PAWR: variants seen among roughly 807,000 people sequenced by gnomAD.
PAWR encodes the protein PRKC apoptosis WT1 regulator protein.
PAWR carries 23 observed loss-of-function variants against 32.0 expected under a neutral mutation model. That is an observed-to-expected ratio of 0.72 (90% CI 0.52 to 1.02). PAWR has a LOEUF of 1.02. Among genes scored for constraint, PAWR ranks in the 50% least tolerant of loss-of-function variants. The pLI is 0.00. For missense variants in PAWR, 457 were observed against 437.7 expected (o/e 1.04, Z -0.39); for synonymous variants, 226 against 187.1 (o/e 1.21, Z -1.70).
At chr12:79,661,060 G>A (rs1877326137) in intron 2 of PAWR, among the ~76,000 whole-genome samples, 1 of 151,500 alleles carries the variant, frequency 6.6e-6, no homozygotes, top group South Asian at 2.1e-4. Flanking sequence ...TTGAGGTCAG[G>A]AGTTCGAGAC....
At chr12:79,690,488 G>C in intron 1 of PAWR, 97 bp from the exon 2 acceptor site, 1 of 679,802 alleles carries the variant, frequency 1.5e-6, no homozygotes. Flanking sequence ...GAGTCCTCGA[G>C]CGCGCCCACC....
chr12:79,622,556 T>G (rs1875076760), intron 2 of PAWR, among the ~76,000 whole-genome samples: 1 of 151,988 alleles, frequency 6.6e-6, no homozygotes, highest in East Asian at 1.9e-4. Flanking sequence ...GAATATGCAG[T>G]GATTGGTTTT....
In PAWR at chr12:79,690,122, G is replaced by A. The variant is rs1384823778; in HGVS notation, c.123C>T (p.Pro41=). The change falls in exon 2 of 7, where the codon CCC becomes CCT. Residue 41 remains proline (P), a synonymous_variant. Coordinates refer to ENST00000328827, the MANE Select transcript of PAWR (RefSeq NM_002583.4). ...RAKQNPPGPA[P]PGGGSSDAAG... ...CGGCGTCGCTGCTGCCCCCTCCCGG[G>A]GGGGCCGGGCCCGGGGGGTTCTGCT... 1.3e-6 allele frequency: 2 copies of A among 1,504,708 alleles called. No homozygotes were observed. Among genetic ancestry groups the A allele is most frequent in the East Asian group, 2.8e-5 (1 of 35,302 alleles). 93.2% of individuals were successfully genotyped at this position (1,504,708 alleles called of 1,614,324 possible). A position where few individuals can be genotyped will look rare whatever the true frequency, so the allele number is the denominator to read the frequency against.
intron 2 of PAWR, among the ~76,000 whole-genome samples, chr12:79,650,923 C>G (rs531713537): frequency 6.6e-6 from 1 of 152,232 alleles, no homozygotes; most frequent in Admixed American, 6.5e-5. Context: ...TTCAAATGTT[C>G]AATTTGCAAG....
At chr12:79,636,814 A>C (rs1875982054) in intron 2 of PAWR, among the ~76,000 whole-genome samples, 1 of 152,138 alleles carries the variant, frequency 6.6e-6, no homozygotes, top group South Asian at 2.1e-4. Flanking sequence ...CCTTAAAAAA[A>C]TTTTATCTCA....
chr12:79,594,726 T>C (rs1873683586), intron 5 of PAWR, among the ~76,000 whole-genome samples: 2 of 151,704 alleles, frequency 1.3e-5, no homozygotes, highest in African/African-American at 4.9e-5. Flanking sequence ...TGTGTGTGTG[T>C]GTATGTATGT....
chr12:79,653,093 G>A (rs1402379639), intron 2 of PAWR, among the ~76,000 whole-genome samples: 1 of 152,150 alleles, frequency 6.6e-6, no homozygotes, highest in East Asian at 1.9e-4. Flanking sequence ...GCCCGGGCTG[G>A]AGTGCAATGG....
chr12:79,687,015 C>A (rs1041560633), intron 2 of PAWR, among the ~76,000 whole-genome samples: 11 of 152,144 alleles, frequency 7.2e-5, no homozygotes, highest in African/African-American at 2.7e-4. Context: ...ATCTGATAAA[C>A]ACACACAAAA....
intron 2 of PAWR, among the ~76,000 whole-genome samples, chr12:79,632,932 G>A (rs944827593): frequency 1.4e-4 from 21 of 152,064 alleles, no homozygotes; most frequent in Non-Finnish European, 2.5e-4. Flanking sequence ...CCAGGAGTTC[G>A]AGACCAGCCT....
intron 2 of PAWR, among the ~76,000 whole-genome samples, chr12:79,635,366 C>T (rs1875910752): frequency 6.6e-6 from 1 of 152,000 alleles, no homozygotes; most frequent in Non-Finnish European, 1.5e-5. Context: ...TTTTGGTCAC[C>T]TTGATGACTG....
At chr12:79,637,743 C>G (rs1356674699) in intron 2 of PAWR, among the ~76,000 whole-genome samples, 1 of 151,814 alleles carries the variant, frequency 6.6e-6, no homozygotes, top group Non-Finnish European at 1.5e-5. Context: ...CAACATACCT[C>G]TAAACTAGAA....
chr12:79,680,027 T>C (rs1049984859), intron 2 of PAWR, among the ~76,000 whole-genome samples: 1 of 152,232 alleles, frequency 6.6e-6, no homozygotes, highest in Non-Finnish European at 1.5e-5. Flanking sequence ...TTACATATTT[T>C]AGACAGATTG....
rs529611774 is a variant in PAWR, at chr12:79,604,361, G to C, written c.684-7703C>G. ...AAGTTTTCCCCCTCTGGGAATTTTC[G>C]CATCTTATGTAGAAACACCAGGGGG... is the stretch of plus-strand genomic sequence containing the variant. On this transcript the variant is annotated intron_variant, in intron 4 of 6. Coordinates refer to ENST00000328827, the MANE Select transcript of PAWR (RefSeq NM_002583.4). 26 of 1,000,790 alleles carry C rather than the reference G, an allele frequency of 2.6e-5. No homozygotes were observed. The East Asian group carries it at 9.9e-4, about 38-fold the overall frequency. 62.0% of individuals were successfully genotyped at this position (1,000,790 alleles called of 1,614,324 possible). A position where few individuals can be genotyped will look rare whatever the true frequency, so the allele number is the denominator to read the frequency against.
chr12:79,672,744 A>C (rs1348015428), intron 2 of PAWR, among the ~76,000 whole-genome samples: 1 of 152,180 alleles, frequency 6.6e-6, no homozygotes, highest in South Asian at 2.1e-4. Context: ...AAAAGATTCT[A>C]ATTTTTTTCT....
chr12:79,687,878 T>C (rs1878758576), intron 2 of PAWR, among the ~76,000 whole-genome samples: 1 of 152,158 alleles, frequency 6.6e-6, no homozygotes, highest in African/African-American at 2.4e-5. Context: ...TTAGATACTG[T>C]AGTGAAGCAT....
intron 4 of PAWR, among the ~76,000 whole-genome samples, chr12:79,609,221 T>C (rs1874329207): frequency 6.6e-6 from 1 of 152,156 alleles, no homozygotes; most frequent in Non-Finnish European, 1.5e-5. Flanking sequence ...AATAAATAAA[T>C]ACAGCATTTT....
intron 2 of PAWR, chr12:79,668,310 G>T (rs542719357): frequency 1.3e-5 from 2 of 152,308 alleles, no homozygotes; most frequent in African/African-American, 4.8e-5. Context: ...GCTTCCTCCC[G>T]CAAAAGCCAC....
In PAWR at chr12:79,664,554, G is replaced by C. The variant is rs140898076; in HGVS notation, c.516+25175C>G. Among the ~76,000 whole-genome samples the C allele has an allele frequency of 4.9e-3, 739 of 151,612 alleles. 7 individuals carry two copies. The highest frequency in any genetic ancestry group is 0.017 in the African/African-American group (702 of 41,112). ...AACCCATGTCATTATCTTGTTTGGG[G>C]CCACACATTGTTTTTTAGAAAGTCA... On this transcript the variant is annotated intron_variant, in intron 2 of 6. Transcript: ENST00000328827.
intron 2 of PAWR, among the ~76,000 whole-genome samples, chr12:79,621,494 A>C (rs945936426): frequency 9.8e-5 from 15 of 152,308 alleles, no homozygotes; most frequent in African/African-American, 3.6e-4. Flanking sequence ...TTTATCATTC[A>C]TTCAATAAGT....
Sources: gnomAD v4.1 joint callset for allele counts (sites outside exome capture counted in the v4.1 genomes callset) on GRCh38, gnomAD v4.1.1 for gene constraint, MANE v1.5 for transcripts, NCBI Gene and HGNC (gene_info 2026-07-23, HGNC 2026-07-21) for gene names.